Variants in ENTREP2 observed in about 807,000 individuals in gnomAD.
ENTREP2 encodes protein ENTREP2.
the ENTREP2 span, among the ~76,000 whole-genome samples, chr15:29,344,258 G>C: frequency 1.3e-5 from 2 of 152,200 alleles, no homozygotes; most frequent in African/African-American, 2.4e-5. Context: ...AGGATTCAGA[G>C]ATGTCCAGGG....
At chr15:29,461,893 G>A in the ENTREP2 span, among the ~76,000 whole-genome samples, 5 of 151,924 alleles carry the variant, frequency 3.3e-5, no homozygotes, top group African/African-American at 1.2e-4. Flanking sequence ...TGCACCCACT[G>A]AACAACTCCC....
the ENTREP2 span, among the ~76,000 whole-genome samples, chr15:29,205,968 T>C: frequency 6.6e-6 from 1 of 152,224 alleles, no homozygotes; most frequent in Non-Finnish European, 1.5e-5. Context: ...TCAGTCCTTG[T>C]CCTGCTTTCT....
chr15:29,296,968 G>A, the ENTREP2 span, among the ~76,000 whole-genome samples: 5 of 152,054 alleles, frequency 3.3e-5, no homozygotes, highest in African/African-American at 9.7e-5. Flanking sequence ...AGAAATATAT[G>A]TCACAGACCA....
the ENTREP2 span, among the ~76,000 whole-genome samples, chr15:29,264,760 T>C: frequency 6.6e-6 from 1 of 152,202 alleles, no homozygotes; most frequent in Non-Finnish European, 1.5e-5. Flanking sequence ...GCAACTTTTC[T>C]GTAAATTTGA....
chr15:29,137,085 G>A, the ENTREP2 span: 2 of 1,462,184 alleles, frequency 1.4e-6, no homozygotes, highest in Non-Finnish European at 9.0e-7. Context: ...GTAATAGGGT[G>A]GAGGCGGGAG....
At chr15:29,546,216 G>C in the ENTREP2 span, among the ~76,000 whole-genome samples, 1 of 152,148 alleles carries the variant, frequency 6.6e-6, no homozygotes, top group South Asian at 2.1e-4. Flanking sequence ...GCCCTACCCT[G>C]TGACACTGTA....
the ENTREP2 span, among the ~76,000 whole-genome samples, chr15:29,507,022 CAA>C: frequency 6.6e-6 from 1 of 151,920 alleles, no homozygotes; most frequent in Non-Finnish European, 1.5e-5. Flanking sequence ...ATCTCACATG[CAA>C]AGACACACTA....
the ENTREP2 span, among the ~76,000 whole-genome samples, chr15:29,140,278 C>A: frequency 6.6e-6 from 1 of 152,190 alleles, no homozygotes; most frequent in Non-Finnish European, 1.5e-5. Context: ...TCGCACACAG[C>A]GGGTACTCAG....
the ENTREP2 span, among the ~76,000 whole-genome samples, chr15:29,655,327 G>A: frequency 6.6e-6 from 1 of 152,170 alleles, no homozygotes; most frequent in Non-Finnish European, 1.5e-5. Context: ...GGTTCACTTA[G>A]AGTCACCATA....
the ENTREP2 span, among the ~76,000 whole-genome samples, chr15:29,653,645 C>G: frequency 6.6e-6 from 1 of 151,098 alleles, no homozygotes; most frequent in Non-Finnish European, 1.5e-5. Context: ...CTTTGCCTTC[C>G]GCCATGACTG....
chr15:29,534,106 CAAAAAAA>C, the ENTREP2 span, among the ~76,000 whole-genome samples: 795 of 44,956 alleles, frequency 0.018, 8 homozygotes, highest in African/African-American at 0.061. Context: ...GCCCCTTGGC[CAAAAAAA>C]AAAAAAAAAA....
the ENTREP2 span, among the ~76,000 whole-genome samples, chr15:29,430,494 T>C: frequency 6.6e-6 from 1 of 151,978 alleles, no homozygotes; most frequent in African/African-American, 2.4e-5. Context: ...ATGAATGCAT[T>C]GAGAAGCCAG....
At chr15:29,236,223 A>G in the ENTREP2 span, among the ~76,000 whole-genome samples, 1 of 152,316 alleles carries the variant, frequency 6.6e-6, no homozygotes, top group Non-Finnish European at 1.5e-5. Flanking sequence ...ATAATAAAGG[A>G]GTAATATGAA....
the ENTREP2 span, among the ~76,000 whole-genome samples, chr15:29,428,375 G>T: frequency 2.0e-5 from 3 of 151,874 alleles, no homozygotes; most frequent in African/African-American, 7.3e-5. Flanking sequence ...CACCACACAC[G>T]GCTATTTTTT....
At chr15:29,408,616 A>G in the ENTREP2 span, among the ~76,000 whole-genome samples, 32 of 152,294 alleles carry the variant, frequency 2.1e-4, no homozygotes, top group African/African-American at 7.2e-4. Flanking sequence ...GTCTCTGCAA[A>G]GCCTATTTAT....
At chr15:29,136,402 C>A in the ENTREP2 span, 1 of 1,529,328 alleles carries the variant, frequency 6.5e-7, no homozygotes, top group Non-Finnish European at 8.8e-7. Context: ...CCGCCTCGTA[C>A]GGAGGGGGGA....
At chr15:29,269,232 C>T in the ENTREP2 span, 2 of 1,614,114 alleles carry the variant, frequency 1.2e-6, no homozygotes, top group South Asian at 1.1e-5. Flanking sequence ...CCACAGGCTC[C>T]AGGGTGTTGA....
chr15:29,343,241 C>G, the ENTREP2 span, among the ~76,000 whole-genome samples: 1 of 152,134 alleles, frequency 6.6e-6, no homozygotes. Context: ...TGGTTAAACA[C>G]TAGTCTAGAT....
chr15:29,584,212 C>T, the ENTREP2 span, among the ~76,000 whole-genome samples: 3 of 152,058 alleles, frequency 2.0e-5, no homozygotes, highest in Non-Finnish European at 2.9e-5. Flanking sequence ...TAAACTGTTG[C>T]AGCTCAACAG....
Sources: allele counts gnomAD v4.1 joint callset (sites outside exome capture counted in the v4.1 genomes callset), GRCh38; gene constraint gnomAD v4.1.1; transcripts MANE v1.5; gene names NCBI Gene and HGNC (gene_info 2026-07-23, HGNC 2026-07-21).